The following CDKAL1 variants were observed in gnomAD, a reference collection of about 807,000 sequenced individuals.
The protein encoded by CDKAL1 is CDKAL1 threonylcarbamoyladenosine tRNA methylthiotransferase, also known as threonylcarbamoyladenosine tRNA methylthiotransferase.
A neutral mutation model predicts 68.2 loss-of-function variants in CDKAL1; 32 were observed. The ratio of observed to expected loss-of-function variants is 0.47; its 90% confidence interval spans 0.35 to 0.63. The LOEUF (loss-of-function observed/expected upper bound fraction) is 0.63. Ranked by LOEUF, CDKAL1 falls within the 30% of genes least tolerant of loss-of-function variation. CDKAL1 has a pLI of 0.00. For synonymous variants in CDKAL1, 234 were observed against 244.3 expected, an observed-to-expected ratio of 0.96 and a Z score of 0.39; for missense variants, 606 against 696.7, an observed-to-expected ratio of 0.87 and a Z score of 1.47.
chr6:20,584,817 C>G (rs1040468414), intron 4 of CDKAL1, among the ~76,000 whole-genome samples: 1 of 152,168 alleles, frequency 6.6e-6, no homozygotes, highest in Non-Finnish European at 1.5e-5. Flanking sequence ...TTTCCCCGCA[C>G]CAAATCTACC....
intron 9 of CDKAL1, among the ~76,000 whole-genome samples, chr6:20,876,329 C>T (rs1010537523): frequency 2.0e-5 from 3 of 152,250 alleles, no homozygotes; most frequent in South Asian, 2.1e-4. Flanking sequence ...CTAAAGATGC[C>T]GTCAGTACAA....
At chr6:21,108,086 CAGTGTTTTCT>C (rs899550046) in intron 12 of CDKAL1, among the ~76,000 whole-genome samples, 1 of 152,012 alleles carries the variant, frequency 6.6e-6, no homozygotes, top group African/African-American at 2.4e-5. Flanking sequence ...CTTTCGTTTT[CAGTGTTTTCT>C]TCATTTTAGT....
At chr6:20,712,900 A>G (rs1473603393) in intron 5 of CDKAL1, among the ~76,000 whole-genome samples, 1 of 152,166 alleles carries the variant, frequency 6.6e-6, no homozygotes, top group East Asian at 1.9e-4. Flanking sequence ...TCACCCTCCC[A>G]AAGTGCTGGG....
chr6:20,781,018 A>C, intron 7 of CDKAL1, 127 bp from the exon 8 acceptor site: 1 of 900,608 alleles, frequency 1.1e-6, no homozygotes, highest in Non-Finnish European at 1.7e-6. Context: ...AAATGATCAC[A>C]CTTCACTCTT....
intron 5 of CDKAL1, among the ~76,000 whole-genome samples, chr6:20,734,730 A>G (rs1048636321): frequency 2.6e-5 from 4 of 152,204 alleles, no homozygotes; most frequent in African/African-American, 9.7e-5. Flanking sequence ...AAATAATGAA[A>G]TAATTTTTTC....
chr6:20,899,056 C>G (rs1000871320), intron 9 of CDKAL1, among the ~76,000 whole-genome samples: 33 of 126,784 alleles, frequency 2.6e-4, no homozygotes, highest in African/African-American at 8.8e-4. Flanking sequence ...CCTTTTTCTT[C>G]TAATTCTTTT....
In CDKAL1 at chr6:20,975,145, A is replaced by G. The variant is rs1337316365; in HGVS notation, c.909+19560A>G. Among the ~76,000 whole-genome samples, 7 of 152,144 alleles carry G rather than the reference A, an allele frequency of 4.6e-5. No individual in the cohort carries two copies. The East Asian group carries it at 1.3e-3, about 29-fold the overall frequency. On this transcript the variant is annotated intron_variant, in intron 10 of 15. Coordinates refer to ENST00000274695, the MANE Select transcript of CDKAL1 (RefSeq NM_017774.3). ...TTTGTAATTGGAGCTGATTGGGAGGAAAAATACCAAATTAGAGCCAGATCT... is the reference window on the plus strand; with the variant it reads ...TTTGTAATTGGAGCTGATTGGGAGGGAAAATACCAAATTAGAGCCAGATCT...
chr6:20,971,139 T>C (rs1334961162), intron 10 of CDKAL1, among the ~76,000 whole-genome samples: 1 of 152,192 alleles, frequency 6.6e-6, no homozygotes, highest in Admixed American at 6.5e-5. Context: ...GAGCCCACCA[T>C]GCACGGCCTC....
At chr6:21,053,218 G>A (rs751382811) in intron 11 of CDKAL1, among the ~76,000 whole-genome samples, 4 of 152,154 alleles carry the variant, frequency 2.6e-5, no homozygotes, top group Non-Finnish European at 4.4e-5. Flanking sequence ...CTTATAAATG[G>A]AATCACAATA....
At chr6:21,145,847 C>A (rs1213353589) in intron 13 of CDKAL1, among the ~76,000 whole-genome samples, 3 of 152,166 alleles carry the variant, frequency 2.0e-5, no homozygotes, top group African/African-American at 7.2e-5. Flanking sequence ...CTGCAGCAAA[C>A]TATGATCACG....
At chr6:20,621,253 T>C (rs1297774287) in intron 4 of CDKAL1, among the ~76,000 whole-genome samples, 1 of 152,164 alleles carries the variant, frequency 6.6e-6, no homozygotes, top group African/African-American at 2.4e-5. Context: ...TGTTAGAATA[T>C]ATGTAGTGTT....
At chr6:21,051,589 C>T (rs908759888) in intron 11 of CDKAL1, among the ~76,000 whole-genome samples, 2 of 152,088 alleles carry the variant, frequency 1.3e-5, no homozygotes, top group African/African-American at 4.8e-5. Flanking sequence ...GGCATTTTCC[C>T]CCTTTCTCAT....
At chr6:20,649,532 T>C (rs1224666084) in intron 5 of CDKAL1, among the ~76,000 whole-genome samples, 155 bp downstream of exon 5, 3 of 152,216 alleles carry the variant, frequency 2.0e-5, no homozygotes, top group African/African-American at 7.2e-5. Context: ...ATTTGTCTGA[T>C]ACAGAATGAT....
intron 5 of CDKAL1, among the ~76,000 whole-genome samples, chr6:20,677,670 C>T (rs576161258): frequency 6.6e-6 from 1 of 152,316 alleles, no homozygotes; most frequent in East Asian, 1.9e-4. Flanking sequence ...CCCACTTCGG[C>T]CTCCCAAAGT....
chr6:20,870,923 A>G (rs555303163), intron 9 of CDKAL1, among the ~76,000 whole-genome samples: 5 of 152,352 alleles, frequency 3.3e-5, no homozygotes, highest in Admixed American at 2.6e-4. Flanking sequence ...CATAAAAATG[A>G]TCAAGAACCC....
chr6:21,213,540 C>T (rs998629335), intron 15 of CDKAL1, among the ~76,000 whole-genome samples: 5 of 152,102 alleles, frequency 3.3e-5, no homozygotes, highest in African/African-American at 1.2e-4. Context: ...TTTTTCAGTT[C>T]CCCCTTTTCA....
intron 9 of CDKAL1, among the ~76,000 whole-genome samples, chr6:20,924,397 G>A (rs1763092448): frequency 6.6e-6 from 1 of 151,586 alleles, no homozygotes; most frequent in Non-Finnish European, 1.5e-5. Flanking sequence ...AGGAAGGCAT[G>A]TCAAAAGCCG....
intron 9 of CDKAL1, among the ~76,000 whole-genome samples, chr6:20,923,733 G>A (rs190902831): frequency 2.2e-4 from 33 of 152,322 alleles, no homozygotes; most frequent in Non-Finnish European, 3.4e-4. Flanking sequence ...CTAGAAATGG[G>A]CAGGCATGGC....
intron 12 of CDKAL1, among the ~76,000 whole-genome samples, chr6:21,099,442 C>T (rs1048425086): frequency 1.9e-4 from 28 of 151,130 alleles, no homozygotes; most frequent in African/African-American, 6.6e-4. Flanking sequence ...TTTCTTTTTC[C>T]AGCCATTTTT....
Sources: gnomAD v4.1 joint callset for allele counts (sites outside exome capture counted in the v4.1 genomes callset) on GRCh38, gnomAD v4.1.1 for gene constraint, MANE v1.5 for transcripts, NCBI Gene and HGNC (gene_info 2026-07-23, HGNC 2026-07-21) for gene names.